The following TXNRD2 variants were observed in gnomAD, a reference collection of about 807,000 sequenced individuals.
TXNRD2 encodes thioredoxin reductase 2, mitochondrial.
TXNRD2 carries 67 observed loss-of-function variants against 70.8 expected under a neutral mutation model. That is an observed-to-expected ratio of 0.95 (90% CI 0.78 to 1.16). The LOEUF (loss-of-function observed/expected upper bound fraction) is 1.16. Ranked by LOEUF, TXNRD2 falls within the 50% of genes most tolerant of loss-of-function variation. TXNRD2 has a pLI of 0.00. For synonymous variants in TXNRD2, 301 were observed against 295.8 expected, an observed-to-expected ratio of 1.02 and a Z score of -0.18; for missense variants, 644 against 719.9, an observed-to-expected ratio of 0.89 and a Z score of 1.21.
chr22:19,898,644 A>T (rs1391836242), intron 9 of TXNRD2, among the ~76,000 whole-genome samples: 1 of 151,302 alleles, frequency 6.6e-6, no homozygotes, highest in Non-Finnish European at 1.5e-5. Flanking sequence ...CCTCCCAAGT[A>T]GCTGGGACTA....
intron 2 of TXNRD2, among the ~76,000 whole-genome samples, chr22:19,927,651 CAAAAAAA>C (rs149665821): frequency 1.5e-5 from 1 of 68,410 alleles, no homozygotes; most frequent in Non-Finnish European, 2.8e-5. Context: ...GACCTTGTCT[CAAAAAAA>C]AAAAAAAAAA....
chr22:19,933,123 C>G (rs5746846), intron 1 of TXNRD2, among the ~76,000 whole-genome samples: 79,494 of 152,126 alleles, frequency 0.52, 20,989 homozygotes, highest in East Asian at 0.69. Context: ...CCCACCCACT[C>G]TTTCACCTGG....
intron 7 of TXNRD2, among the ~76,000 whole-genome samples, chr22:19,914,734 C>T (rs1221533994): frequency 6.6e-6 from 1 of 152,064 alleles, no homozygotes; most frequent in East Asian, 1.9e-4. Flanking sequence ...TGACTGATGG[C>T]CGCACAGCTC....
intron 11 of TXNRD2, among the ~76,000 whole-genome samples, chr22:19,892,853 T>G (rs1939327924): frequency 6.6e-6 from 1 of 152,250 alleles, no homozygotes; most frequent in South Asian, 2.1e-4. Context: ...GAACCATCAG[T>G]ACACTCCAGA....
intron 2 of TXNRD2, among the ~76,000 whole-genome samples, chr22:19,925,295 CA>C (rs1941096286): frequency 6.6e-6 from 1 of 151,572 alleles, no homozygotes; most frequent in South Asian, 2.1e-4. Flanking sequence ...AAAAACAAAA[CA>C]AAACAAAACA....
Position 19,918,166 on chromosome 22 carries a change from G to A in TXNRD2, c.426C>T (p.Gly142=), listed in dbSNP as rs1357417345. ...ACCTGTCCTGAAGCTGGACACGGTG[G>A]CCCCAGTTCAAGGATTTCACGTGAT... ...VQNHVKSLNW[G]HRVQLQDRKV... Residue 142 remains glycine (G), a synonymous_variant, in exon 5 of 18, where the codon GGC becomes GGT. Transcript: ENST00000400521. 1.9e-6 allele frequency: 3 copies of A among 1,614,026 alleles called. No homozygotes were observed. Among genetic ancestry groups the A allele is most frequent in the Non-Finnish European group, 2.5e-6 (3 of 1,180,036 alleles).
intron 8 of TXNRD2, among the ~76,000 whole-genome samples, chr22:19,906,565 C>T (rs1204495087): frequency 3.3e-5 from 5 of 152,030 alleles, no homozygotes; most frequent in African/African-American, 9.6e-5. Flanking sequence ...AAGGCTGCAG[C>T]GAGCCATGAT....
At chr22:19,910,257 G>C (rs761108718) in intron 8 of TXNRD2, among the ~76,000 whole-genome samples, 1 of 152,250 alleles carries the variant, frequency 6.6e-6, no homozygotes, top group Admixed American at 6.5e-5. Context: ...CCCATGGGGA[G>C]TGAGAGCCAC....
intron 8 of TXNRD2, among the ~76,000 whole-genome samples, chr22:19,909,336 A>G (rs147169066): frequency 2.0e-5 from 3 of 152,274 alleles, no homozygotes; most frequent in African/African-American, 7.2e-5. Flanking sequence ...TTTTCACTGC[A>G]GCATTGATAA....
intron 12 of TXNRD2, chr22:19,881,318 G>C (rs1212427688): frequency 2.6e-6 from 1 of 379,610 alleles, no homozygotes; most frequent in Non-Finnish European, 4.7e-6. Flanking sequence ...TGGCATTCCA[G>C]AAATGCATAG....
At chr22:19,918,105 C>T in intron 5 of TXNRD2, 38 bp downstream of exon 5, 1 of 1,585,536 alleles carries the variant, frequency 6.3e-7, no homozygotes, top group Non-Finnish European at 8.7e-7. Context: ...CAAGAGAAGG[C>T]CCAGAGGGCG....
intron 7 of TXNRD2, among the ~76,000 whole-genome samples, chr22:19,912,019 G>T (rs1940434792): frequency 6.6e-6 from 1 of 152,152 alleles, no homozygotes; most frequent in Non-Finnish European, 1.5e-5. Flanking sequence ...AGGCTGAGGT[G>T]GGCAGGGACT....
Position 19,895,284 on chromosome 22 carries a change from G to A in TXNRD2, c.949+123C>T, listed in dbSNP as rs557397213. The A allele has an allele frequency of 2.3e-5, 36 of 1,592,246 alleles. 1 individual carries two copies. In the East Asian group the frequency reaches 5.6e-4, roughly 25 times the overall value. On this transcript the variant is annotated intron_variant, in intron 11 of 17. Coordinates refer to ENST00000400521, the MANE Select transcript of TXNRD2 (RefSeq NM_006440.5). ...TTGCTCTCGAGGTGCACTGGGGAGC[G>A]GCCAACCCGCCTGGCAGCCAGCAGG...
chr22:19,888,336 G>C, intron 11 of TXNRD2, among the ~76,000 whole-genome samples: 1 of 152,212 alleles, frequency 6.6e-6, no homozygotes, highest in East Asian at 1.9e-4. Flanking sequence ...GGAGGGACCA[G>C]AGAAGGCTGA....
At chr22:19,936,181 C>T (rs952470311) in intron 1 of TXNRD2, among the ~76,000 whole-genome samples, 3 of 152,060 alleles carry the variant, frequency 2.0e-5, no homozygotes, top group African/African-American at 7.2e-5. Context: ...GGCCTTGGTA[C>T]GTGCCATCCT....
chr22:19,930,751 G>A (rs1202848202), intron 2 of TXNRD2, among the ~76,000 whole-genome samples: 1 of 152,228 alleles, frequency 6.6e-6, no homozygotes, highest in Non-Finnish European at 1.5e-5. Context: ...AGTGGTGGGA[G>A]CTGAGACTAG....
chr22:19,911,689 T>G (rs887587108), intron 7 of TXNRD2, among the ~76,000 whole-genome samples: 2 of 152,184 alleles, frequency 1.3e-5, no homozygotes, highest in Non-Finnish European at 2.9e-5. Context: ...CTTTCCCCTC[T>G]GTTCCCCAGG....
chr22:19,878,704 A>G (rs1938621560), intron 14 of TXNRD2, among the ~76,000 whole-genome samples: 1 of 152,242 alleles, frequency 6.6e-6, no homozygotes, highest in Non-Finnish European at 1.5e-5. Flanking sequence ...CGTAAACCAC[A>G]GCAGCAGAGC....
chr22:19,921,453 A>G (rs1394165964), intron 2 of TXNRD2, among the ~76,000 whole-genome samples: 3 of 151,142 alleles, frequency 2.0e-5, no homozygotes, highest in Non-Finnish European at 4.4e-5. Context: ...CCAGTGTGTA[A>G]CTCCCACATC....
Sources: gnomAD v4.1 joint callset for allele counts (sites outside exome capture counted in the v4.1 genomes callset) on GRCh38, gnomAD v4.1.1 for gene constraint, MANE v1.5 for transcripts, NCBI Gene and HGNC (gene_info 2026-07-23, HGNC 2026-07-21) for gene names.